DPEP1: variants seen among roughly 807,000 people sequenced by gnomAD.
DPEP1 encodes beta-lactamase.
In DPEP1, 50 loss-of-function variants were observed where a neutral mutation model predicts 42.3. The observed-to-expected ratio is 1.18, with a 90% confidence interval of 0.94 to 1.50. The LOEUF is 1.50. Ranked by LOEUF, DPEP1 falls within the 40% of genes most tolerant of loss-of-function variation. The pLI is 0.00. For synonymous variants in DPEP1, 297 were observed against 234.0 expected, an observed-to-expected ratio of 1.27 and a Z score of -2.46; for missense variants, 663 against 553.0, an observed-to-expected ratio of 1.20 and a Z score of -1.99.
chr16:89,633,528 A>G (rs894373058), intron 2 of DPEP1, among the ~76,000 whole-genome samples: 2 of 152,216 alleles, frequency 1.3e-5, no homozygotes, highest in African/African-American at 4.8e-5. Context: ...GCGGGCACAT[A>G]GATTTGAGCT....
chr16:89,623,426 T>C (rs2059469792), intron 1 of DPEP1, among the ~76,000 whole-genome samples: 1 of 152,272 alleles, frequency 6.6e-6, no homozygotes, highest in Non-Finnish European at 1.5e-5. Context: ...TGTTGCTTTA[T>C]TTTTAAATAT....
rs545795691 is a variant in DPEP1 at position 89,630,402 on chromosome 16, G to A, written c.-9G>A. The A allele has an allele frequency of 6.2e-6, 10 of 1,608,096 alleles. No individual in the cohort carries two copies. The highest frequency in any genetic ancestry group is 2.2e-5 in the South Asian group (2 of 90,548). ...GCAGCAGTGCACACAGGTCCCCGGG[G>A]ACCCCACCATGTGGAGCGGATGGTG... On this transcript the variant is annotated 5_prime_UTR_variant, in exon 2 of 11. Transcript: ENST00000690203.
chr16:89,632,526 G>A lies in DPEP1; in HGVS notation c.104+2012G>A, dbSNP rs143078754. Among the ~76,000 whole-genome samples, 24 of 152,346 alleles carry A rather than the reference G, an allele frequency of 1.6e-4. No individual in the cohort carries two copies. In the East Asian group the frequency reaches 4.0e-3, roughly 26 times the overall value. ...GAATGGATCCCGGGGGCAGCCAGCA[G>A]TCTCCCCACGAACAGCTGCCTGAGT... On this transcript the variant is annotated intron_variant, in intron 2 of 10. Coordinates refer to ENST00000690203, the MANE Select transcript of DPEP1 (RefSeq NM_001389466.1).
At chr16:89,632,468 G>A (rs534457391) in intron 2 of DPEP1, among the ~76,000 whole-genome samples, 4 of 152,178 alleles carry the variant, frequency 2.6e-5, no homozygotes, top group African/African-American at 7.2e-5. Flanking sequence ...CGCTAAAAAC[G>A]GGGGGTTTTA....
At position 89,636,544 on chromosome 16, in the gene DPEP1, GC is replaced by G; in HGVS notation, c.384del (p.Phe129SerfsTer9). 2 of 1,612,428 alleles carry G rather than the reference GC, an allele frequency of 1.2e-6. No homozygotes were observed. Among genetic ancestry groups the G allele is most frequent in the South Asian group, 2.2e-5 (2 of 91,078 alleles). ...YVTSSAGIRQ[A>X]FREGKVASLI... ...GACTCTCCCCGCAGGCATTCGGCAG[GC>G]CTTCCGGGAAGGGAAGGTGGCCAGC... On this transcript the variant is annotated frameshift_variant, in exon 5 of 11. Transcript: ENST00000690203. LOFTEE classifies it high-confidence loss of function.
chr16:89,614,701 A>G (rs986583036), intron 1 of DPEP1, among the ~76,000 whole-genome samples: 5 of 152,226 alleles, frequency 3.3e-5, no homozygotes, highest in East Asian at 3.9e-4. Flanking sequence ...AGGCTGAAGC[A>G]GGAGAATGGC....
chr16:89,627,537 C>T (rs764491062), intron 1 of DPEP1, among the ~76,000 whole-genome samples: 2 of 149,006 alleles, frequency 1.3e-5, no homozygotes, highest in Non-Finnish European at 3.0e-5. Flanking sequence ...ATTGTGCCAC[C>T]GCACTCCAGC....
At chr16:89,628,833 G>C (rs1861596321) in intron 1 of DPEP1, among the ~76,000 whole-genome samples, 1 of 151,792 alleles carries the variant, frequency 6.6e-6, no homozygotes, top group Non-Finnish European at 1.5e-5. Flanking sequence ...TGTTTTGTTT[G>C]TTTGTTTTTC....
At chr16:89,640,198 C>G (rs1320846915), downstream of DPEP1, among the ~76,000 whole-genome samples, 1 of 152,232 alleles carries the variant, frequency 6.6e-6, no homozygotes, top group Non-Finnish European at 1.5e-5. Flanking sequence ...CAGGACCCCC[C>G]ACGCTGCTGC....
At chr16:89,617,078 C>T (rs1371551371) in intron 1 of DPEP1, among the ~76,000 whole-genome samples, 4 of 152,062 alleles carry the variant, frequency 2.6e-5, no homozygotes, top group Non-Finnish European at 5.9e-5. Flanking sequence ...TGGCCCCACC[C>T]GAGCAAGGTG....
chr16:89,641,233 A>G (rs2059740700), downstream of DPEP1, among the ~76,000 whole-genome samples: 1 of 151,358 alleles, frequency 6.6e-6, no homozygotes, highest in Non-Finnish European at 1.5e-5. Context: ...GGGGGGGTTG[A>G]CTGATGTCAG....
In DPEP1 at chr16:89,637,436, C is replaced by T. The variant is rs151051841; in HGVS notation, c.769-32C>T. ...CCTCCCTGGGCAGGCCCTCCCAGCT[C>T]TCAGCTTCACCCTGTCTTCCTTCTT... On this transcript the variant is annotated intron_variant, in intron 7 of 10. Coordinates refer to ENST00000690203, the MANE Select transcript of DPEP1 (RefSeq NM_001389466.1). 4.7e-4 allele frequency: 759 copies of T among 1,612,812 alleles called. 1 individual carries two copies. The highest frequency in any genetic ancestry group is 6.1e-4 in the Non-Finnish European group (721 of 1,179,964).
At chr16:89,639,159 CA>C (rs1567995587), downstream of DPEP1, among the ~76,000 whole-genome samples, 1 of 64,708 alleles carries the variant, frequency 1.5e-5, no homozygotes, top group Non-Finnish European at 3.0e-5. Context: ...TGCACACACA[CA>C]CCCCATCCCT....
intron 1 of DPEP1, among the ~76,000 whole-genome samples, chr16:89,624,064 A>C (rs2059477719): frequency 6.6e-6 from 1 of 152,110 alleles, no homozygotes; most frequent in African/African-American, 2.4e-5. Flanking sequence ...CAAAGTGCAC[A>C]TCCAGAGAAA....
At chr16:89,617,123 C>A (rs1214242353) in intron 1 of DPEP1, among the ~76,000 whole-genome samples, 3 of 152,106 alleles carry the variant, frequency 2.0e-5, no homozygotes, top group African/African-American at 7.2e-5. Context: ...CAGGGAATTG[C>A]TTGGCCAGGG....
At chr16:89,624,734 T>C (rs258341) in intron 1 of DPEP1, among the ~76,000 whole-genome samples, 83,697 of 151,662 alleles carry the variant, frequency 0.55, 23,397 homozygotes, top group East Asian at 0.75. Flanking sequence ...GGGGTTTTTC[T>C]TTGTTGGCCA....
At position 89,637,592 on chromosome 16, in the gene DPEP1, G is replaced by C. The variant is rs367813680; in HGVS notation, c.853+40G>C. 2.5e-6 allele frequency: 4 copies of C among 1,612,816 alleles called. No individual in the cohort carries two copies. In the African/African-American group the frequency reaches 4.0e-5, roughly 16 times the overall value. On this transcript the variant is annotated intron_variant, in intron 8 of 10. Transcript: ENST00000690203. ...AGCGGCCAAGGGGGCCGAAGGGGGA[G>C]GGCCTCACTCGGGACCCATACCTGC...
intron 3 of DPEP1, 57 bp downstream of exon 3, chr16:89,636,097 C>T (rs1597772403): frequency 6.4e-7 from 1 of 1,565,052 alleles, no homozygotes; most frequent in Non-Finnish European, 8.6e-7. Flanking sequence ...TCTCCTACCT[C>T]AGGCCTGGCT....
At chr16:89,634,840 C>T (rs1468895048) in intron 2 of DPEP1, among the ~76,000 whole-genome samples, 2 of 95,962 alleles carry the variant, frequency 2.1e-5, no homozygotes, top group Non-Finnish European at 2.3e-5. Context: ...CCTTTCCCTT[C>T]CTTCTCCTTT....
Sources: allele counts gnomAD v4.1 joint callset (sites outside exome capture counted in the v4.1 genomes callset), GRCh38; gene constraint gnomAD v4.1.1; transcripts MANE v1.5; gene names NCBI Gene and HGNC (gene_info 2026-07-23, HGNC 2026-07-21).